Variants in SNTG2 observed in about 807,000 individuals in gnomAD.
The protein encoded by SNTG2 is syntrophin gamma 2, also known as gamma-2-syntrophin.
Under a neutral mutation model 70.9 loss-of-function variants are expected in SNTG2, and 74 were observed. The observed-to-expected ratio is 1.04, with a 90% CI of 0.86 to 1.27. SNTG2 has a LOEUF of 1.27. Among genes scored for constraint, SNTG2 ranks in the 50% most tolerant of loss-of-function variants. The pLI is 0.00. For synonymous variants in SNTG2, 278 were observed against 273.8 expected, an observed-to-expected ratio of 1.02 and a Z score of -0.15; for missense variants, 717 against 690.7, an observed-to-expected ratio of 1.04 and a Z score of -0.43.
intron 15 of SNTG2, 143 bp downstream of exon 15, chr2:1,308,729 T>C: frequency 1.5e-6 from 1 of 676,100 alleles, no homozygotes; most frequent in Non-Finnish European, 2.5e-6. Flanking sequence ...TTTCATAGAC[T>C]TTTTTTTCTG....
At chr2:1,284,300 T>C (rs1215992495) in intron 14 of SNTG2, among the ~76,000 whole-genome samples, 1 of 152,270 alleles carries the variant, frequency 6.6e-6, no homozygotes, top group East Asian at 1.9e-4. Flanking sequence ...GTTTACATTG[T>C]AACGTTCCCT....
chr2:1,199,082 G>A (rs943263248), intron 8 of SNTG2, among the ~76,000 whole-genome samples: 1 of 151,222 alleles, frequency 6.6e-6, no homozygotes, highest in Non-Finnish European at 1.5e-5. Context: ...AGCAAAGAAA[G>A]GAAACAACAG....
chr2:1,302,282 T>C (rs1270093027), intron 14 of SNTG2, among the ~76,000 whole-genome samples: 1 of 152,056 alleles, frequency 6.6e-6, no homozygotes, highest in African/African-American at 2.4e-5. Context: ...TTATGTTTTA[T>C]GGTCGAAGAA....
At chr2:1,098,840 TG>T (rs1225623426) in intron 4 of SNTG2, among the ~76,000 whole-genome samples, 1 of 152,148 alleles carries the variant, frequency 6.6e-6, no homozygotes, top group Non-Finnish European at 1.5e-5. Flanking sequence ...CGCGCTCAGG[TG>T]GGGCTGAAAC....
intron 9 of SNTG2, among the ~76,000 whole-genome samples, chr2:1,236,373 G>A (rs1295975719): frequency 1.3e-5 from 2 of 152,232 alleles, no homozygotes; most frequent in East Asian, 1.9e-4. Flanking sequence ...TGAGGGACAG[G>A]TGCTCCCCAG....
At chr2:1,028,027 C>G (rs1459790373) in intron 1 of SNTG2, among the ~76,000 whole-genome samples, 1 of 151,560 alleles carries the variant, frequency 6.6e-6, no homozygotes, top group Non-Finnish European at 1.5e-5. Flanking sequence ...GCAAGTAACT[C>G]ATGCATCTCT....
chr2:1,366,283 G>C (rs1346536699), intron 16 of SNTG2, among the ~76,000 whole-genome samples: 4 of 152,166 alleles, frequency 2.6e-5, no homozygotes, highest in African/African-American at 9.7e-5. Context: ...TAGAATGGGG[G>C]TGGCAGGACG....
intron 4 of SNTG2, among the ~76,000 whole-genome samples, chr2:1,106,648 A>G (rs868381062): frequency 2.1e-3 from 206 of 97,260 alleles, no homozygotes; most frequent in Middle Eastern, 0.012. Flanking sequence ...TAGTGGACAC[A>G]CGCTGTCACT....
chr2:1,035,080 A>C (rs1661057278), intron 1 of SNTG2, among the ~76,000 whole-genome samples: 1 of 152,246 alleles, frequency 6.6e-6, no homozygotes, highest in Admixed American at 6.5e-5. Flanking sequence ...CCATGCAATT[A>C]CATGGAAATT....
At chr2:1,075,918 G>A (rs747594997) in intron 1 of SNTG2, among the ~76,000 whole-genome samples, 20 of 152,268 alleles carry the variant, frequency 1.3e-4, no homozygotes, top group Admixed American at 3.3e-4. Context: ...ACCCATTTGC[G>A]TGTCTGAATA....
At chr2:1,322,465 C>G (rs1217187199) in intron 16 of SNTG2, among the ~76,000 whole-genome samples, 1 of 152,142 alleles carries the variant, frequency 6.6e-6, no homozygotes, top group Admixed American at 6.5e-5. Flanking sequence ...AGCTGGAGTT[C>G]CAATGCAGAC....
intron 6 of SNTG2, among the ~76,000 whole-genome samples, chr2:1,164,296 C>T (rs4608558): frequency 0.34 from 20,306 of 60,586 alleles, 1,547 homozygotes; most frequent in East Asian, 0.49. Context: ...TCTGTGTAGA[C>T]GAGAGGGCGG....
At chr2:1,053,708 T>C (rs1438167131) in intron 1 of SNTG2, among the ~76,000 whole-genome samples, 1 of 152,138 alleles carries the variant, frequency 6.6e-6, no homozygotes, top group South Asian at 2.1e-4. Context: ...TAGGCCTCCA[T>C]GTGGTGACTC....
intron 1 of SNTG2, among the ~76,000 whole-genome samples, chr2:982,976 G>A (rs758038089): frequency 2.0e-5 from 3 of 151,310 alleles, no homozygotes; most frequent in African/African-American, 4.9e-5. Context: ...TCAGGATGAA[G>A]CAGAAGCTGC....
chr2:1,352,237 A>G (rs1483485435), intron 16 of SNTG2, among the ~76,000 whole-genome samples: 1 of 152,156 alleles, frequency 6.6e-6, no homozygotes, highest in African/African-American at 2.4e-5. Flanking sequence ...CTTCTGCTCA[A>G]TCCTCCTGGC....
chr2:973,509 G>GGT (rs1411967538), intron 1 of SNTG2, among the ~76,000 whole-genome samples: 3 of 150,174 alleles, frequency 2.0e-5, no homozygotes, highest in Admixed American at 6.6e-5. Context: ...GCTTCTTGGG[G>GGT]GTGTGTGTGT....
At position 986,436 on chromosome 2, in the gene SNTG2, T is replaced by C. The variant is rs1194112720; in HGVS notation, c.72+35368T>C. Among the ~76,000 whole-genome samples the C allele has an allele frequency of 1.8e-4, 28 of 152,268 alleles. 1 individual carries two copies. The highest frequency in any genetic ancestry group is 1.8e-3 in the Admixed American group (28 of 15,292). On this transcript the variant is annotated intron_variant, in intron 1 of 16. Coordinates refer to ENST00000308624, the MANE Select transcript of SNTG2 (RefSeq NM_018968.4). ...ACGTGAGTTGAACTAGACTAACAGA[T>C]AATGCTGATTTACCTAAATAGGACT...
Position 998,293 on chromosome 2 carries a change from C to G in SNTG2, c.72+47225C>G, listed in dbSNP as rs574429931. ...CACACTAATTCTCTAGCAGTATATC[C>G]TAACCAAAATGAAAACATGGAAATA... On this transcript the variant is annotated intron_variant, in intron 1 of 16. Transcript: ENST00000308624. 3.3e-5 allele frequency among the ~76,000 whole-genome samples: 5 copies of G among 151,978 alleles called. No homozygotes were observed. In the East Asian group the frequency reaches 9.7e-4, roughly 29 times the overall value.
At chr2:1,090,795 C>T (rs904585590) in intron 2 of SNTG2, among the ~76,000 whole-genome samples, 1 of 152,158 alleles carries the variant, frequency 6.6e-6, no homozygotes, top group Non-Finnish European at 1.5e-5. Context: ...TTTTCCCTCA[C>T]CAGTTGAGTC....
Sources: allele counts gnomAD v4.1 joint callset (sites outside exome capture counted in the v4.1 genomes callset), GRCh38; gene constraint gnomAD v4.1.1; transcripts MANE v1.5; gene names NCBI Gene and HGNC (gene_info 2026-07-23, HGNC 2026-07-21).